Variants in WNT8A observed in about 807,000 individuals in gnomAD.
WNT8A encodes protein Wnt-8a.
A neutral mutation model predicts 20.5 loss-of-function variants in WNT8A; 14 were observed. The ratio of observed to expected loss-of-function variants is 0.68; its 90% CI spans 0.45 to 1.07. The LOEUF (loss-of-function observed/expected upper bound fraction) is 1.07. WNT8A is among the 50% of genes least tolerant of loss of function. The pLI is 0.00. For synonymous variants in WNT8A, 167 were observed against 169.2 expected (o/e 0.99, Z 0.10); for missense variants, 397 against 462.9 (o/e 0.86, Z 1.31).
In WNT8A at chr5:138,091,049, G is replaced by T. The variant is rs188219850; in HGVS notation, c.1086G>T (p.Gln362His). ...GCGCACGCTCCCCAGGCAGTGCCCA[G>T]TCCCTGGGTAAGGGCAGTGCCTGAT... ...YYCARSPGSAQSLGKGSA is the reference protein window; with the variant it reads ...YYCARSPGSAHSLGKGSA The change falls in exon 5 of 5, where the codon CAG (glutamine) becomes CAT (histidine). Residue 362 changes from glutamine to histidine, a missense_variant. By Grantham distance (24) the Gln-to-His change is conservative. Transcript: ENST00000506684. 9.5e-4 allele frequency: 1,526 copies of T among 1,612,850 alleles called. 1 individual carries two copies. Among genetic ancestry groups the T allele is most frequent in the Admixed American group, 1.5e-3 (92 of 60,002 alleles).
chr5:138,080,326 A>C (rs1453914827), upstream of WNT8A, among the ~76,000 whole-genome samples: 1 of 151,234 alleles, frequency 6.6e-6, no homozygotes, highest in Non-Finnish European at 1.5e-5. Flanking sequence ...TCTCAAAAAA[A>C]AAAAAAACAA....
upstream of WNT8A, among the ~76,000 whole-genome samples, chr5:138,079,177 G>A (rs1750441016): frequency 6.6e-6 from 1 of 152,002 alleles, no homozygotes; most frequent in Admixed American, 6.6e-5. Context: ...CTGGGCTCCA[G>A]CGGTGTGCTG....
At position 138,084,633 on chromosome 5, in the gene WNT8A, A is replaced by G; in HGVS notation, c.292A>G (p.Ser98Gly). The change falls in exon 2 of 5, where the codon AGT (serine) becomes GGT (glycine). Residue 98 changes from serine (S) to glycine (G), a missense_variant. Physicochemically the swap from Ser to Gly is moderately conservative, Grantham distance 56. Transcript: ENST00000506684. ...GCTCTCCACCCACAACAGGCTGAGA[A>G]GTGGTAAGTTTGTGTGGGACTCACC... The part of the protein sequence containing the change: ...LQLSTHNRLR[S>G]ATRETSFIHA... 1 of 1,606,750 alleles carries G rather than the reference A, an allele frequency of 6.2e-7. No individual in the cohort carries two copies. Among genetic ancestry groups the G allele is most frequent in the Non-Finnish European group, 8.5e-7 (1 of 1,176,104 alleles).
chr5:138,089,449 T>C (rs558420004), intron 4 of WNT8A, among the ~76,000 whole-genome samples: 60 of 152,326 alleles, frequency 3.9e-4, no homozygotes, highest in African/African-American at 1.3e-3. Context: ...CCTTGTGTCC[T>C]AAAGTCTGTC....
At chr5:138,092,248 T>C (rs757793425), downstream of WNT8A, 3 of 152,234 alleles carry the variant, frequency 2.0e-5, no homozygotes, top group South Asian at 2.1e-4. Context: ...ACTAGAAATA[T>C]GCAACTCCCT....
At chr5:138,078,138 G>C in the WNT8A span, among the ~76,000 whole-genome samples, 1 of 152,054 alleles carries the variant, frequency 6.6e-6, no homozygotes, top group Admixed American at 6.6e-5. Flanking sequence ...GCCAAAGGGA[G>C]GGTCAGGAGC....
Position 138,087,902 on chromosome 5 carries a change from G to T in WNT8A, c.392G>T (p.Gly131Val). The T allele has an allele frequency of 1.9e-6, 3 of 1,613,980 alleles. No homozygotes were observed. The highest frequency in any genetic ancestry group is 2.5e-6 in the Non-Finnish European group (3 of 1,179,930). The change falls in exon 3 of 5, where the codon GGC (glycine) becomes GTC (valine). Residue 131 changes from glycine (G) to valine (V), a missense_variant. Coordinates refer to ENST00000506684, the MANE Select transcript of WNT8A (RefSeq NM_001300939.2). ...NCSMGDFENC[G>V]CDGSNNGKTG... ...AGCATGGGTGACTTCGAAAACTGTG[G>T]CTGTGATGGGTCAAACAATGGAAAA...
chr5:138,083,267 C>T (rs1267338141), upstream of WNT8A, among the ~76,000 whole-genome samples: 6 of 129,536 alleles, frequency 4.6e-5, no homozygotes, highest in African/African-American at 1.5e-4. Context: ...GGCGACAGAG[C>T]GAGAGACTCT....
At chr5:138,087,966 T>C in intron 3 of WNT8A, 35 bp downstream of exon 3, 4 of 1,610,482 alleles carry the variant, frequency 2.5e-6, no homozygotes, top group Non-Finnish European at 3.4e-6. Flanking sequence ...TGGGAAGAGG[T>C]GAGGGGCTAC....
Position 138,091,235 on chromosome 5 carries a change from A to G in WNT8A, c.*162A>G. On this transcript the variant is annotated 3_prime_UTR_variant, in exon 5 of 5. Coordinates refer to ENST00000506684, the MANE Select transcript of WNT8A (RefSeq NM_001300939.2). ...GGGGAAAATGGAGGCCCAAGATTCT[A>G]CAGCATATTCCTGGCGGGGCTGAAA... The G allele has an allele frequency of 6.4e-7, 1 of 1,564,290 alleles. No individual in the cohort carries two copies. Among genetic ancestry groups the G allele is most frequent in the Non-Finnish European group, 8.6e-7 (1 of 1,165,054 alleles).
At position 138,091,366 on chromosome 5, in the gene WNT8A, T is replaced by G. The variant is rs756966182; in HGVS notation, c.*293T>G. 7.1e-7 allele frequency: 1 copy of G among 1,417,886 alleles called. No individual in the cohort carries two copies. The highest frequency in any genetic ancestry group is 1.1e-5 in the South Asian group (1 of 88,638). 87.8% of individuals were successfully genotyped at this position (1,417,886 alleles called of 1,614,324 possible). A position where few individuals can be genotyped will look rare whatever the true frequency, so the allele number is the denominator to read the frequency against. The stretch of plus-strand genomic sequence containing the variant: ...TTATGCAGCTTTCTACAGGGAGAGT[T>G]TGGTTTGGGGTCTATATCTAGAGGG... On this transcript the variant is annotated 3_prime_UTR_variant, in exon 5 of 5. Transcript: ENST00000506684.
Position 138,084,175 on chromosome 5 carries a change from C to T in WNT8A, c.48C>T (p.Thr16=). Residue 16 remains threonine, a synonymous_variant, in exon 1 of 5, where the codon ACC becomes ACT. Transcript: ENST00000506684. ...TCTGCCTGGTAAGTCCTTTCCCAAC[C>T]CTCACTCCTTGCCAAGGAGGCCCCC... ...QCLCLVSPFP[T]LTPCQGGPHC... The T allele has an allele frequency of 4.3e-6, 7 of 1,614,196 alleles. No individual in the cohort carries two copies. The highest frequency in any genetic ancestry group is 5.9e-6 in the Non-Finnish European group (7 of 1,180,030).
chr5:138,087,703 G>T, intron 2 of WNT8A, 103 bp from the exon 3 acceptor site: 1 of 967,304 alleles, frequency 1.0e-6, no homozygotes. Flanking sequence ...TAAACCCAAA[G>T]GAAGTGGGGG....
chr5:138,080,444 G>GTTT (rs371833243), upstream of WNT8A, among the ~76,000 whole-genome samples: 509 of 55,814 alleles, frequency 9.1e-3, 4 homozygotes, highest in African/African-American at 0.016. Context: ...TGTAAATCTT[G>GTTT]TTTTTTTTTT....
In WNT8A at chr5:138,088,869, G is replaced by A. The variant is rs578011704; in HGVS notation, c.422-58G>A. ...CTAGGGCTCTTGGGGGTGGTTTGGC[G>A]GGTGACTGGGACTGAGCATGGAGCT... is the stretch of plus-strand genomic sequence containing the variant. On this transcript the variant is annotated intron_variant, in intron 3 of 4. Transcript: ENST00000506684. 1.5e-5 allele frequency: 24 copies of A among 1,585,084 alleles called. No individual in the cohort carries two copies. In the Admixed American group the frequency reaches 3.1e-4, roughly 21 times the overall value.
chr5:138,083,903 C>T, upstream of WNT8A: 2 of 538,110 alleles, frequency 3.7e-6, no homozygotes, highest in South Asian at 8.1e-5. Flanking sequence ...GTCCCTCCTC[C>T]CAGATCCCCC....
chr5:138,083,848 AGGGCTGGAG>A, upstream of WNT8A: 1 of 429,408 alleles, frequency 2.3e-6, no homozygotes, highest in Non-Finnish European at 4.1e-6. Context: ...GGAGGGAAGA[AGGGCTGGAG>A]GGGCTGGGCA....
upstream of WNT8A, among the ~76,000 whole-genome samples, chr5:138,082,706 G>A (rs1355553398): frequency 2.6e-5 from 4 of 151,100 alleles, no homozygotes; most frequent in Admixed American, 6.6e-5. Context: ...GGTGAAACCC[G>A]TCTCTACTAA....
downstream of WNT8A, chr5:138,092,335 A>T (rs1750879381): frequency 6.6e-6 from 1 of 152,232 alleles, no homozygotes. Context: ...AGACTCCCAG[A>T]ATTAGAAAGT....
Sources: allele counts gnomAD v4.1 joint callset (sites outside exome capture counted in the v4.1 genomes callset), GRCh38; gene constraint gnomAD v4.1.1; transcripts MANE v1.5; gene names NCBI Gene and HGNC (gene_info 2026-07-23, HGNC 2026-07-21).